KLF8: variants seen among roughly 807,000 people sequenced by gnomAD.
The protein encoded by KLF8 is Krueppel-like factor 8.
Under a neutral mutation model 18.2 loss-of-function variants are expected in KLF8, and 10 were observed. The observed-to-expected ratio is 0.55, with a 90% CI of 0.34 to 0.93. The LOEUF is 0.93. Ranked by LOEUF, KLF8 falls within the 40% of genes least tolerant of loss-of-function variation. The probability of loss-of-function intolerance (pLI) is 0.02; values close to 1 mark genes in which losing one functional copy is unlikely to be tolerated. For synonymous variants in KLF8, 109 were observed against 97.3 expected, an observed-to-expected ratio of 1.12 and a Z score of -0.71; for missense variants, 264 against 277.9, an observed-to-expected ratio of 0.95 and a Z score of 0.36.
chrX:56,084,833 A>G, the KLF8 span, among the ~76,000 whole-genome samples: 1 of 112,077 alleles, frequency 8.9e-6, no homozygotes, highest in Non-Finnish European at 1.9e-5. Flanking sequence ...GTTTAACACA[A>G]AAAAGGCACA....
chrX:56,066,968 A>G, the KLF8 span, among the ~76,000 whole-genome samples: 1 of 110,196 alleles, frequency 9.1e-6, no homozygotes, highest in South Asian at 4.0e-4. Context: ...GACTGCTGGC[A>G]GCCTTTCACT....
the KLF8 span, among the ~76,000 whole-genome samples, chrX:56,133,304 G>C: frequency 4.4e-4 from 49 of 112,026 alleles, no homozygotes; most frequent in African/African-American, 1.5e-3. Flanking sequence ...GCATATCAAA[G>C]AGATAATCCG....
Position 56,284,300 on chromosome X carries a change from A to T in KLF8, c.899-13A>T. 9.1e-7 allele frequency: 1 copy of T among 1,104,719 alleles called. No homozygotes were observed. The highest frequency in any genetic ancestry group is 3.3e-5 in the Admixed American group (1 of 30,206). 91.0% of individuals were successfully genotyped at this position (1,104,719 alleles called of 1,213,427 possible). A position where few individuals can be genotyped will look rare whatever the true frequency, so the allele number is the denominator to read the frequency against. On this transcript the variant is annotated splice_polypyrimidine_tract_variant and intron_variant, in intron 5 of 5. Transcript: ENST00000468660. The stretch of plus-strand genomic sequence containing the variant: ...TCTCTGATTCTCTTTTTTTTGTCAC[A>T]TTCCCTTTTTAGGAGAGAAGCCTTA...
the KLF8 span, among the ~76,000 whole-genome samples, chrX:56,043,166 G>T: frequency 2.7e-5 from 3 of 110,902 alleles, no homozygotes; most frequent in African/African-American, 6.6e-5. Context: ...CAGCTTGTAG[G>T]GTTTCCACTG....
At chrX:56,048,620 G>T in the KLF8 span, among the ~76,000 whole-genome samples, 2 of 111,547 alleles carry the variant, frequency 1.8e-5, no homozygotes, top group African/African-American at 3.3e-5. Flanking sequence ...CTGTTCCATT[G>T]GTCTATATCT....
the KLF8 span, among the ~76,000 whole-genome samples, chrX:56,028,265 G>A: frequency 1.9e-5 from 2 of 108,010 alleles, no homozygotes; most frequent in Admixed American, 9.6e-5. Context: ...GCTCTCAGTC[G>A]CCCCCCTTTG....
the KLF8 span, among the ~76,000 whole-genome samples, chrX:56,102,288 T>A: frequency 9.0e-6 from 1 of 111,329 alleles, no homozygotes; most frequent in Non-Finnish European, 1.9e-5. Flanking sequence ...CTATAGGATC[T>A]CTATTCTATT....
the KLF8 span, among the ~76,000 whole-genome samples, chrX:56,187,531 G>T: frequency 9.0e-6 from 1 of 111,698 alleles, no homozygotes; most frequent in Non-Finnish European, 1.9e-5. Flanking sequence ...TATGAGGCCA[G>T]CATCATCCTG....
the KLF8 span, among the ~76,000 whole-genome samples, chrX:56,176,622 T>C: frequency 1.8e-5 from 2 of 111,207 alleles, no homozygotes; most frequent in Non-Finnish European, 3.8e-5. Flanking sequence ...TGGTGTTCTC[T>C]GTATTTCCTG....
the KLF8 span, among the ~76,000 whole-genome samples, chrX:56,171,951 A>G: frequency 9.0e-6 from 1 of 111,295 alleles, no homozygotes; most frequent in African/African-American, 3.3e-5. Context: ...TCGCCACACT[A>G]TCGTCCACAA....
the KLF8 span, among the ~76,000 whole-genome samples, chrX:56,176,539 T>G: frequency 5.4e-5 from 6 of 111,783 alleles, no homozygotes; most frequent in African/African-American, 2.0e-4. Context: ...CTTAACATTT[T>G]TTCCTTCATT....
chrX:56,173,240 A>G, the KLF8 span, among the ~76,000 whole-genome samples: 2 of 111,972 alleles, frequency 1.8e-5, no homozygotes, highest in East Asian at 5.6e-4. Context: ...TGGGTCTAAC[A>G]TTTAAGTCTT....
At chrX:56,163,657 T>C in the KLF8 span, among the ~76,000 whole-genome samples, 9 of 112,001 alleles carry the variant, frequency 8.0e-5, no homozygotes, top group South Asian at 3.3e-3. Context: ...TAGTTCTTTG[T>C]CACTAAATCT....
the KLF8 span, among the ~76,000 whole-genome samples, chrX:56,177,395 C>T: frequency 1.8e-5 from 2 of 111,248 alleles, no homozygotes; most frequent in East Asian, 2.9e-4. Flanking sequence ...TGGGTATCAG[C>T]AGTGGAGGCT....
At chrX:56,278,204 C>G (rs959238397) in intron 5 of KLF8, among the ~76,000 whole-genome samples, 5 of 111,939 alleles carry the variant, frequency 4.5e-5, no homozygotes, top group East Asian at 2.8e-4. Context: ...TTCTTTCCAC[C>G]TTTCCTCAGC....
chrX:55,950,573 G>A, the KLF8 span, among the ~76,000 whole-genome samples: 1 of 111,342 alleles, frequency 9.0e-6, no homozygotes, highest in African/African-American at 3.3e-5. Context: ...ATGAGCTTAT[G>A]CATGAACGCT....
At chrX:56,117,614 A>G in the KLF8 span, among the ~76,000 whole-genome samples, 7 of 112,258 alleles carry the variant, frequency 6.2e-5, no homozygotes. Context: ...TAAATATGCC[A>G]CTTTCAGATA....
the KLF8 span, among the ~76,000 whole-genome samples, chrX:56,050,146 A>T: frequency 1.8e-5 from 2 of 108,811 alleles, no homozygotes; most frequent in African/African-American, 3.4e-5. Flanking sequence ...CGTCTATTTG[A>T]TTCTTCTCTC....
chrX:56,080,011 C>T, the KLF8 span, among the ~76,000 whole-genome samples: 1 of 111,020 alleles, frequency 9.0e-6, no homozygotes, highest in Admixed American at 9.6e-5. Context: ...GTAGATCTTC[C>T]TCCATCCTTC....
Sources: allele counts gnomAD v4.1 joint callset (sites outside exome capture counted in the v4.1 genomes callset), GRCh38; gene constraint gnomAD v4.1.1; transcripts MANE v1.5; gene names NCBI Gene and HGNC (gene_info 2026-07-23, HGNC 2026-07-21).